The following SLC35F1 variants were observed in gnomAD, a reference collection of about 807,000 sequenced individuals.
SLC35F1 encodes chromosome 6 open reading frame 169.
SLC35F1 carries 14 observed loss-of-function variants against 48.7 expected under a neutral mutation model. The ratio of observed to expected loss-of-function variants is 0.29; its 90% CI spans 0.19 to 0.45. SLC35F1 has a LOEUF of 0.45. SLC35F1 is among the 20% of genes least tolerant of loss of function. The pLI, the probability that SLC35F1 is intolerant of heterozygous loss-of-function variation, is 1.00. For synonymous variants in SLC35F1, 190 were observed against 202.2 expected, an observed-to-expected ratio of 0.94 and a Z score of 0.51; for missense variants, 404 against 500.0, an observed-to-expected ratio of 0.81 and a Z score of 1.83.
intron 1 of SLC35F1, among the ~76,000 whole-genome samples, chr6:118,075,900 G>C (rs1772810513): frequency 6.6e-6 from 1 of 152,024 alleles, no homozygotes; most frequent in Non-Finnish European, 1.5e-5. Flanking sequence ...TTAAAAATGG[G>C]CTTTTCTTCC....
chr6:117,943,700 T>C (rs9489285), intron 1 of SLC35F1, among the ~76,000 whole-genome samples: 3 of 152,144 alleles, frequency 2.0e-5, no homozygotes, highest in Non-Finnish European at 4.4e-5. Context: ...TGAGGACTAC[T>C]GGCCAGATCC....
At chr6:118,273,931 A>C (rs1281650580) in intron 4 of SLC35F1, among the ~76,000 whole-genome samples, 2 of 152,220 alleles carry the variant, frequency 1.3e-5, no homozygotes, top group Admixed American at 1.3e-4. Context: ...GCCTTAGAAA[A>C]AGTGGCACCA....
In SLC35F1 at chr6:117,908,224, C is replaced by T. The variant is rs567895894; in HGVS notation, c.173+325C>T. ...CGCGTGCCGCCTCACTTCCCTTTCCCTCTCGCACCCCGGCTTTGCGATCGG... is the reference window on the plus strand; with the variant it reads ...CGCGTGCCGCCTCACTTCCCTTTCCTTCTCGCACCCCGGCTTTGCGATCGG... On this transcript the variant is annotated intron_variant, in intron 1 of 7. Coordinates refer to ENST00000360388, the MANE Select transcript of SLC35F1 (RefSeq NM_001029858.4). Among the ~76,000 whole-genome samples the T allele has an allele frequency of 3.9e-5, 6 of 152,226 alleles. No individual in the cohort carries two copies. The East Asian group carries it at 9.7e-4, about 25-fold the overall frequency.
intron 1 of SLC35F1, among the ~76,000 whole-genome samples, chr6:118,037,519 G>A (rs905828179): frequency 6.6e-6 from 1 of 151,918 alleles, no homozygotes; most frequent in East Asian, 1.9e-4. Context: ...ATTTTGGGGG[G>A]GTTACTTTGA....
chr6:118,212,862 A>G (rs981242992), intron 2 of SLC35F1, among the ~76,000 whole-genome samples: 2 of 152,122 alleles, frequency 1.3e-5, no homozygotes, highest in African/African-American at 4.8e-5. Context: ...TAATTTATCT[A>G]GTTTTCTTAT....
chr6:117,928,862 AT>A (rs1359236636), intron 1 of SLC35F1, among the ~76,000 whole-genome samples: 1 of 152,180 alleles, frequency 6.6e-6, no homozygotes, highest in African/African-American at 2.4e-5. Flanking sequence ...AGTTACGGTG[AT>A]TGTGAAACTG....
intron 2 of SLC35F1, among the ~76,000 whole-genome samples, chr6:118,174,337 T>C (rs187263250): frequency 2.6e-4 from 40 of 152,238 alleles, no homozygotes; most frequent in Non-Finnish European, 4.6e-4. Context: ...ACAACATTCA[T>C]GAAGACATGG....
At chr6:117,926,865 G>A (rs1029730908) in intron 1 of SLC35F1, among the ~76,000 whole-genome samples, 1 of 152,086 alleles carries the variant, frequency 6.6e-6, no homozygotes, top group African/African-American at 2.4e-5. Flanking sequence ...GAGTAGGGGA[G>A]CCCAGGTAGG....
At chr6:118,056,738 A>G (rs1772468599) in intron 1 of SLC35F1, among the ~76,000 whole-genome samples, 1 of 152,206 alleles carries the variant, frequency 6.6e-6, no homozygotes, top group Non-Finnish European at 1.5e-5. Flanking sequence ...AGTTGTCTTT[A>G]TACAAAGACT....
chr6:118,105,741 G>C (rs1773318395), intron 1 of SLC35F1, among the ~76,000 whole-genome samples: 1 of 152,090 alleles, frequency 6.6e-6, no homozygotes, highest in Admixed American at 6.6e-5. Flanking sequence ...CTTAATGTGT[G>C]CCTGTTCCTG....
chr6:118,159,129 G>A (rs1013286484), intron 2 of SLC35F1, among the ~76,000 whole-genome samples: 1 of 146,796 alleles, frequency 6.8e-6, no homozygotes, highest in Non-Finnish European at 1.5e-5. Flanking sequence ...ACTGAGGCAG[G>A]AGATTGGCGT....
At chr6:117,968,769 A>G (rs1245964771) in intron 1 of SLC35F1, among the ~76,000 whole-genome samples, 1 of 152,176 alleles carries the variant, frequency 6.6e-6, no homozygotes, top group Non-Finnish European at 1.5e-5. Context: ...ATTCTGATTC[A>G]GTATGGCTGT....
intron 1 of SLC35F1, among the ~76,000 whole-genome samples, chr6:118,091,014 A>G (rs1162609202): frequency 6.6e-6 from 1 of 152,148 alleles, no homozygotes; most frequent in Admixed American, 6.5e-5. Context: ...GATTTTGGGC[A>G]TGAGAAAAAG....
chr6:118,033,098 C>T (rs1772077378), intron 1 of SLC35F1, among the ~76,000 whole-genome samples: 2 of 152,118 alleles, frequency 1.3e-5, no homozygotes, highest in Non-Finnish European at 2.9e-5. Flanking sequence ...AGCCTTCTCA[C>T]ATATATGTTC....
intron 1 of SLC35F1, among the ~76,000 whole-genome samples, chr6:117,911,456 G>T (rs1456640369): frequency 8.1e-6 from 1 of 123,156 alleles, no homozygotes; most frequent in Non-Finnish European, 1.6e-5. Context: ...CCATCCTTCT[G>T]GCAGGATCTT....
intron 1 of SLC35F1, among the ~76,000 whole-genome samples, chr6:117,916,707 G>A (rs914968426): frequency 1.3e-5 from 2 of 152,228 alleles, no homozygotes; most frequent in Non-Finnish European, 2.9e-5. Flanking sequence ...AGTAAGTGGG[G>A]AGTAAGACTT....
intron 1 of SLC35F1, among the ~76,000 whole-genome samples, chr6:118,044,753 C>T (rs1404795471): frequency 3.3e-5 from 5 of 152,154 alleles, no homozygotes; most frequent in Non-Finnish European, 4.4e-5. Context: ...CTTTCTCCTC[C>T]TGTCCACATT....
intron 1 of SLC35F1, among the ~76,000 whole-genome samples, chr6:118,135,344 T>C (rs894005440): frequency 6.6e-6 from 1 of 152,214 alleles, no homozygotes; most frequent in African/African-American, 2.4e-5. Context: ...ACATACTCTC[T>C]AAAATACCAT....
intron 1 of SLC35F1, among the ~76,000 whole-genome samples, chr6:118,035,478 G>A (rs1772113061): frequency 6.6e-6 from 1 of 150,688 alleles, no homozygotes; most frequent in African/African-American, 2.4e-5. Flanking sequence ...GCTGGGCATG[G>A]TGGCACATGC....
Sources: allele counts gnomAD v4.1 joint callset (sites outside exome capture counted in the v4.1 genomes callset), GRCh38; gene constraint gnomAD v4.1.1; transcripts MANE v1.5; gene names NCBI Gene and HGNC (gene_info 2026-07-23, HGNC 2026-07-21).